The following BICD2 variants were observed in gnomAD, a reference collection of about 807,000 sequenced individuals.
The protein encoded by BICD2 is BICD cargo adaptor 2.
Under a neutral mutation model 72.9 loss-of-function variants are expected in BICD2, and 25 were observed. That is an observed-to-expected ratio of 0.34 (90% CI 0.25 to 0.48). BICD2 has a LOEUF of 0.48. BICD2 is among the 20% of genes least tolerant of loss of function. BICD2 has a pLI of 0.99. For synonymous variants in BICD2, 501 were observed against 516.1 expected, an observed-to-expected ratio of 0.97 and a Z score of 0.40; for missense variants, 894 against 1,175.2, an observed-to-expected ratio of 0.76 and a Z score of 3.50.
chr9:92,718,165 G>A (rs910081201), intron 5 of BICD2, among the ~76,000 whole-genome samples: 3 of 152,320 alleles, frequency 2.0e-5, no homozygotes, highest in South Asian at 4.1e-4. Context: ...AGGAGGGACT[G>A]CCCCTAAACC....
At chr9:92,754,032 C>T (rs980035683) in intron 1 of BICD2, among the ~76,000 whole-genome samples, 1 of 151,562 alleles carries the variant, frequency 6.6e-6, no homozygotes, top group African/African-American at 2.4e-5. Flanking sequence ...GTAGTCGGAG[C>T]TACTCGGGAG....
intron 2 of BICD2, among the ~76,000 whole-genome samples, chr9:92,724,047 ACT>A (rs529737224): frequency 4.4e-4 from 66 of 151,062 alleles, no homozygotes; most frequent in African/African-American, 1.6e-3. Flanking sequence ...CCCTTGACAA[ACT>A]CTCTATCCCC....
rs775345022 is a variant in BICD2 at position 92,715,181 on chromosome 9, G to A, written c.2541C>T (p.Ser847=). 39 of 1,602,708 alleles carry A rather than the reference G, an allele frequency of 2.4e-5. No individual in the cohort carries two copies. The East Asian group carries it at 4.5e-4, about 18-fold the overall frequency. ...AATCACAGTAAATGCTGTGCTTCTC[G>A]CTGCAGAACACCTGGTTGGCCAGCC... The part of the protein sequence containing the change: ...GTGLANQVFC[S]EKHSIYCD Residue 847 remains serine (S), a synonymous_variant, in exon 7 of 7, where the codon AGC becomes AGT. Transcript: ENST00000356884.
intron 1 of BICD2, among the ~76,000 whole-genome samples, chr9:92,739,106 T>C (rs535506931): frequency 1.3e-5 from 2 of 152,298 alleles, no homozygotes; most frequent in African/African-American, 4.8e-5. Flanking sequence ...ACTGCTGGGC[T>C]CCTTGTCAGG....
At chr9:92,721,976 A>G (rs1384777523) in intron 3 of BICD2, among the ~76,000 whole-genome samples, 1 of 152,202 alleles carries the variant, frequency 6.6e-6, no homozygotes, top group African/African-American at 2.4e-5. Context: ...TTGGTGGTAG[A>G]GGATTTGAGG....
chr9:92,754,830 A>G (rs1854222632), intron 1 of BICD2, among the ~76,000 whole-genome samples: 1 of 152,228 alleles, frequency 6.6e-6, no homozygotes, highest in Admixed American at 6.5e-5. Flanking sequence ...CTGTCAGCTG[A>G]GAAGGATGTA....
intron 1 of BICD2, among the ~76,000 whole-genome samples, chr9:92,742,991 G>A (rs1853928342): frequency 6.6e-6 from 1 of 152,116 alleles, no homozygotes; most frequent in Non-Finnish European, 1.5e-5. Flanking sequence ...TCCACTTTTA[G>A]GCTATTATAA....
At chr9:92,737,180 G>A (rs776131914) in intron 1 of BICD2, among the ~76,000 whole-genome samples, 3 of 152,130 alleles carry the variant, frequency 2.0e-5, no homozygotes, top group Non-Finnish European at 2.9e-5. Flanking sequence ...AATGTGCCTC[G>A]ATTTCCTCAT....
At chr9:92,738,812 C>A (rs941046300) in intron 1 of BICD2, among the ~76,000 whole-genome samples, 1 of 152,248 alleles carries the variant, frequency 6.6e-6, no homozygotes. Context: ...ACAACACTTG[C>A]CAAGCCAGGA....
At chr9:92,717,772 G>A (rs774315888) in intron 6 of BICD2, 25 bp downstream of exon 6, 1 of 1,586,508 alleles carries the variant, frequency 6.3e-7, no homozygotes, top group South Asian at 1.1e-5. Flanking sequence ...TGTGGAAGGG[G>A]AGGGCCCGAC....
At chr9:92,743,795 G>A (rs1032555194) in intron 1 of BICD2, among the ~76,000 whole-genome samples, 4 of 152,066 alleles carry the variant, frequency 2.6e-5, no homozygotes, top group Non-Finnish European at 5.9e-5. Context: ...TCTCCTACAC[G>A]TACATGAGAA....
chr9:92,750,106 T>C (rs1306614267), intron 1 of BICD2, among the ~76,000 whole-genome samples: 5 of 152,212 alleles, frequency 3.3e-5, no homozygotes, highest in Admixed American at 2.6e-4. Context: ...GGCAGGAGAA[T>C]CTTACGCCAT....
chr9:92,749,079 A>G (rs1854089003), intron 1 of BICD2, among the ~76,000 whole-genome samples: 1 of 151,926 alleles, frequency 6.6e-6, no homozygotes, highest in South Asian at 2.1e-4. Context: ...GGGAGGAGGG[A>G]GGAGGCCCAG....
rs762591005 is a variant in BICD2 at position 92,715,056 on chromosome 9, T to C, written c.*98A>G. On this transcript the variant is annotated 3_prime_UTR_variant, in exon 7 of 7. Coordinates refer to ENST00000356884, the MANE Select transcript of BICD2 (RefSeq NM_001003800.2). ...GGCTAGACTCCTACCCTCTGTGCAT[T>C]AGTCACGTTAAGATTGACCTAGCAC... 4.6e-5 allele frequency: 68 copies of C among 1,476,332 alleles called. No individual in the cohort carries two copies. Among genetic ancestry groups the C allele is most frequent in the Non-Finnish European group, 5.8e-5 (64 of 1,112,498 alleles). The allele number at this position is 1,476,332 out of a possible 1,614,324, so 91.5% of individuals were successfully genotyped here.
At chr9:92,763,617 G>A (rs923735837) in intron 1 of BICD2, among the ~76,000 whole-genome samples, 3 of 152,192 alleles carry the variant, frequency 2.0e-5, no homozygotes, top group African/African-American at 7.2e-5. Flanking sequence ...GTCAGGGAAC[G>A]GGAGAAGAGA....
chr9:92,740,228 C>A (rs1304935730), intron 1 of BICD2, among the ~76,000 whole-genome samples: 3 of 152,066 alleles, frequency 2.0e-5, no homozygotes, highest in Non-Finnish European at 4.4e-5. Flanking sequence ...CAAGAGGATG[C>A]AGAATGACAT....
chr9:92,732,473 A>T (rs1853697215), intron 1 of BICD2, among the ~76,000 whole-genome samples: 1 of 152,240 alleles, frequency 6.6e-6, no homozygotes, highest in Admixed American at 6.5e-5. Context: ...AGATATCAGC[A>T]GCTTGTCAAC....
chr9:92,734,968 G>C (rs1358434875), intron 1 of BICD2, among the ~76,000 whole-genome samples: 1 of 152,212 alleles, frequency 6.6e-6, no homozygotes, highest in East Asian at 1.9e-4. Flanking sequence ...CATAAGACTA[G>C]GCTCATCTGG....
chr9:92,713,485 G>GT lies in BICD2; in HGVS notation c.*1668dup. On this transcript the variant is annotated 3_prime_UTR_variant, in exon 7 of 7. Transcript: ENST00000356884. ...AGCTGAAAACGGGAGAAAAGAGAGCGTTAGAAAGCGGTCATCTGTCGCTTC... is the reference window on the plus strand; with the variant it reads ...AGCTGAAAACGGGAGAAAAGAGAGCGTTTAGAAAGCGGTCATCTGTCGCTTC... 6.3e-7 allele frequency: 1 copy of GT among 1,586,398 alleles called. No homozygotes were observed. The highest frequency in any genetic ancestry group is 1.1e-5 in the South Asian group (1 of 87,124).
Sources: gnomAD v4.1 joint callset for allele counts (sites outside exome capture counted in the v4.1 genomes callset) on GRCh38, gnomAD v4.1.1 for gene constraint, MANE v1.5 for transcripts, NCBI Gene and HGNC (gene_info 2026-07-23, HGNC 2026-07-21) for gene names.